Variants in NREP observed in about 807,000 individuals in gnomAD.
NREP encodes the protein neuronal regeneration related protein, also known as neuronal regeneration-related protein.
NREP carries 5 observed loss-of-function variants against 8.6 expected under a neutral mutation model. The ratio of observed to expected loss-of-function variants is 0.58; its 90% confidence interval spans 0.30 to 1.22. The LOEUF (loss-of-function observed/expected upper bound fraction) is 1.22, where lower values mean the gene tolerates loss of function less well. Ranked by LOEUF, NREP falls within the 50% of genes most tolerant of loss-of-function variation. NREP has a pLI of 0.07. For synonymous variants in NREP, 27 were observed against 28.0 expected (o/e 0.96, Z 0.11); for missense variants, 86 against 82.5 (o/e 1.04, Z -0.17).
intron 2 of NREP, among the ~76,000 whole-genome samples, chr5:111,903,748 C>A (rs1389849): frequency 6.6e-6 from 1 of 151,826 alleles, no homozygotes; most frequent in African/African-American, 2.4e-5. Context: ...AAATAAGCAG[C>A]AACACAGAGA....
At chr5:111,746,855 C>T (rs1413668967) in intron 2 of NREP, among the ~76,000 whole-genome samples, 2 of 152,102 alleles carry the variant, frequency 1.3e-5, no homozygotes, top group Non-Finnish European at 2.9e-5. Context: ...ACTGAAATTC[C>T]GATATTGCAT....
chr5:111,868,067 A>C (rs1353863771), intron 2 of NREP, among the ~76,000 whole-genome samples: 1 of 152,146 alleles, frequency 6.6e-6, no homozygotes, highest in Non-Finnish European at 1.5e-5. Flanking sequence ...CATTTTTAAA[A>C]ATGAGAAAAA....
chr5:111,883,581 C>T (rs906073414), intron 2 of NREP, among the ~76,000 whole-genome samples: 2 of 152,156 alleles, frequency 1.3e-5, no homozygotes, highest in Non-Finnish European at 2.9e-5. Context: ...AAGTAAAGCC[C>T]TCCTCAGCAA....
intron 2 of NREP, among the ~76,000 whole-genome samples, chr5:111,968,067 GACAA>G (rs1421987456): frequency 6.6e-6 from 1 of 151,776 alleles, no homozygotes; most frequent in Admixed American, 6.6e-5. Flanking sequence ...CAACATTAAA[GACAA>G]ACAAAAAGGC....
chr5:111,822,837 T>C (rs1348299673), intron 2 of NREP, among the ~76,000 whole-genome samples: 1 of 152,362 alleles, frequency 6.6e-6, no homozygotes, highest in Non-Finnish European at 1.5e-5. Flanking sequence ...TTGTCATTAG[T>C]ATGCAGAAAA....
chr5:111,757,150 C>G lies in NREP; in HGVS notation c.-73G>C, dbSNP rs1160441131. On this transcript the variant is annotated 5_prime_UTR_variant, in exon 1 of 4. Transcript: ENST00000257435. ...CATATACTTACAGACAAAAGCCCCG[C>G]TCCCTGTTCACTCTCTCTCCTCTCT... 4.1e-6 allele frequency: 4 copies of G among 979,114 alleles called. No homozygotes were observed. The highest frequency in any genetic ancestry group is 4.8e-6 in the Non-Finnish European group (4 of 825,038). 60.7% of individuals were successfully genotyped at this position (979,114 alleles called of 1,614,324 possible).
chr5:111,964,666 AG>A lies in NREP; in HGVS notation c.135+10607del, dbSNP rs543418164. Among the ~76,000 whole-genome samples, 437 of 152,096 alleles carry A rather than the reference AG, an allele frequency of 2.9e-3. 2 individuals are homozygous for A. The highest frequency in any genetic ancestry group is 9.9e-3 in the African/African-American group (412 of 41,494). On this transcript the variant is annotated intron_variant, in intron 2 of 3. Transcript: ENST00000395634. ...ATTACAGGAGTGAGCTACCATGCTG[AG>A]CCTATTCTACTGTTGATAGACAACT...
At chr5:111,823,536 A>G (rs1409445167) in intron 2 of NREP, among the ~76,000 whole-genome samples, 1 of 152,240 alleles carries the variant, frequency 6.6e-6, no homozygotes, top group African/African-American at 2.4e-5. Context: ...TGATATAAAG[A>G]GTTCAATAAA....
chr5:111,976,123 T>G (rs941540636), intron 1 of NREP, among the ~76,000 whole-genome samples: 8 of 152,188 alleles, frequency 5.3e-5, no homozygotes, highest in African/African-American at 1.7e-4. Context: ...ATTTTATCAG[T>G]TTCTTATAAT....
chr5:111,904,498 G>C (rs7712177), intron 2 of NREP, among the ~76,000 whole-genome samples: 61,208 of 151,858 alleles, frequency 0.4, 14,816 homozygotes, highest in Non-Finnish European at 0.55. Context: ...CATATCATTG[G>C]AATTATATAG....
chr5:111,826,313 TA>T (rs1271806718), intron 2 of NREP, among the ~76,000 whole-genome samples: 1 of 151,898 alleles, frequency 6.6e-6, no homozygotes. Context: ...AATAAGGGAG[TA>T]AAAGCAGGCC....
intron 2 of NREP, among the ~76,000 whole-genome samples, chr5:111,842,253 A>G (rs140214292): frequency 1.2e-3 from 178 of 152,230 alleles, no homozygotes; most frequent in African/African-American, 4.2e-3. Flanking sequence ...GAGCATGGAT[A>G]TATTTTCCCC....
chr5:111,936,005 T>A (rs183814746), intron 2 of NREP, among the ~76,000 whole-genome samples: 132 of 152,250 alleles, frequency 8.7e-4, no homozygotes, highest in South Asian at 3.9e-3. Flanking sequence ...TTCTTATGGT[T>A]GCTGGGATCC....
intron 2 of NREP, among the ~76,000 whole-genome samples, chr5:111,827,266 G>T (rs541593180): frequency 1.3e-5 from 2 of 152,238 alleles, no homozygotes; most frequent in Admixed American, 1.3e-4. Flanking sequence ...TCAGTGTAAG[G>T]GATGCACACG....
At chr5:111,961,854 G>A (rs932966495) in intron 2 of NREP, among the ~76,000 whole-genome samples, 3 of 152,262 alleles carry the variant, frequency 2.0e-5, no homozygotes, top group East Asian at 3.9e-4. Context: ...GAGAGTTCAC[G>A]CCATTTATTT....
At chr5:111,858,329 T>C (rs1753470331) in intron 2 of NREP, among the ~76,000 whole-genome samples, 1 of 152,080 alleles carries the variant, frequency 6.6e-6, no homozygotes, top group Non-Finnish European at 1.5e-5. Flanking sequence ...TATTTCCTTT[T>C]ACTTTTCTCT....
At chr5:111,758,354 A>G (rs1468301768), upstream of NREP, 1 of 728,696 alleles carries the variant, frequency 1.4e-6, no homozygotes, top group Non-Finnish European at 1.7e-6. Flanking sequence ...CCCGTCTGAA[A>G]TTGTACTTTT....
At chr5:111,871,268 A>C (rs1581178017) in intron 2 of NREP, among the ~76,000 whole-genome samples, 1 of 152,286 alleles carries the variant, frequency 6.6e-6, no homozygotes, top group East Asian at 1.9e-4. Context: ...TACTGCACTG[A>C]ATTCTGTAGG....
chr5:111,914,911 T>C (rs1365700429), intron 2 of NREP, among the ~76,000 whole-genome samples: 1 of 152,118 alleles, frequency 6.6e-6, no homozygotes, highest in Non-Finnish European at 1.5e-5. Context: ...ATTTTTCCAT[T>C]TTTATCAAAA....
Sources: allele counts gnomAD v4.1 joint callset (sites outside exome capture counted in the v4.1 genomes callset), GRCh38; gene constraint gnomAD v4.1.1; transcripts MANE v1.5; gene names NCBI Gene and HGNC (gene_info 2026-07-23, HGNC 2026-07-21).